Variants in KCNMB2 observed in about 807,000 individuals in gnomAD.
KCNMB2 encodes calcium-activated potassium channel subunit beta-2.
A neutral mutation model predicts 24.5 loss-of-function variants in KCNMB2; 9 were observed. The ratio of observed to expected loss-of-function variants is 0.37; its 90% CI spans 0.22 to 0.64. The LOEUF is 0.64. Among genes scored for constraint, KCNMB2 ranks in the 30% least tolerant of loss-of-function variants. KCNMB2 has a pLI of 0.63. For synonymous variants in KCNMB2, 109 were observed against 104.4 expected (o/e 1.04, Z -0.27); for missense variants, 226 against 284.3 (o/e 0.79, Z 1.47).
chr3:178,677,976 G>A (rs1196256757), intron 1 of KCNMB2, among the ~76,000 whole-genome samples: 4 of 152,178 alleles, frequency 2.6e-5, no homozygotes, highest in Non-Finnish European at 5.9e-5. Flanking sequence ...TAATTAGCCT[G>A]TATAGGTCAA....
At chr3:178,733,332 T>A (rs1043907019) in intron 1 of KCNMB2, among the ~76,000 whole-genome samples, 3 of 152,056 alleles carry the variant, frequency 2.0e-5, no homozygotes, top group African/African-American at 7.2e-5. Context: ...CTGGGGCAGA[T>A]GAGATCAGAG....
intron 1 of KCNMB2, among the ~76,000 whole-genome samples, chr3:178,544,141 G>T (rs1421939811): frequency 6.6e-6 from 1 of 152,096 alleles, no homozygotes; most frequent in African/African-American, 2.4e-5. Context: ...TGTCCAGTTT[G>T]ACCTAAAAAG....
intron 1 of KCNMB2, among the ~76,000 whole-genome samples, chr3:178,794,579 C>A (rs926026688): frequency 6.6e-6 from 1 of 152,152 alleles, no homozygotes; most frequent in African/African-American, 2.4e-5. Context: ...TAATACCATT[C>A]CACAGGTATA....
intron 1 of KCNMB2, among the ~76,000 whole-genome samples, chr3:178,738,797 G>A (rs544682216): frequency 6.6e-6 from 1 of 152,208 alleles, no homozygotes; most frequent in East Asian, 1.9e-4. Context: ...AACCCCTGAG[G>A]GCGGAAACTT....
chr3:178,721,810 C>T (rs929615051), intron 1 of KCNMB2, among the ~76,000 whole-genome samples: 1 of 152,184 alleles, frequency 6.6e-6, no homozygotes, highest in Non-Finnish European at 1.5e-5. Context: ...GGCTTGAACT[C>T]ACACTTCCCA....
chr3:178,549,823 T>G (rs1328640445), intron 1 of KCNMB2, among the ~76,000 whole-genome samples: 3 of 152,222 alleles, frequency 2.0e-5, no homozygotes, highest in Admixed American at 6.5e-5. Flanking sequence ...TTACTTTACC[T>G]AGAGTTTATC....
intron 1 of KCNMB2, among the ~76,000 whole-genome samples, chr3:178,566,843 C>T (rs541577525): frequency 1.1e-4 from 16 of 152,240 alleles, no homozygotes; most frequent in South Asian, 2.1e-4. Context: ...TAACAATGTA[C>T]GTTCATATTG....
chr3:178,779,493 A>C (rs973904423), intron 1 of KCNMB2, among the ~76,000 whole-genome samples: 15 of 152,224 alleles, frequency 9.9e-5, no homozygotes, highest in African/African-American at 3.6e-4. Flanking sequence ...TTAGAATTTG[A>C]AAAAGTTCAA....
intron 1 of KCNMB2, among the ~76,000 whole-genome samples, chr3:178,672,280 G>A (rs1720926155): frequency 1.3e-5 from 2 of 152,158 alleles, no homozygotes; most frequent in Admixed American, 1.3e-4. Flanking sequence ...AGGGGTGCAG[G>A]AGGTAGTAGG....
intron 4 of KCNMB2, among the ~76,000 whole-genome samples, chr3:178,828,799 C>T (rs1714939381): frequency 6.6e-6 from 1 of 152,102 alleles, no homozygotes; most frequent in African/African-American, 2.4e-5. Flanking sequence ...GATATAACAA[C>T]CTTTCTGATC....
chr3:178,609,139 C>T (rs1460686419), intron 1 of KCNMB2, among the ~76,000 whole-genome samples: 1 of 152,202 alleles, frequency 6.6e-6, no homozygotes, highest in African/African-American at 2.4e-5. Flanking sequence ...TTCTCCACAT[C>T]CTCGCCAGCA....
intron 1 of KCNMB2, chr3:178,757,025 AT>A (rs998750404): frequency 1.3e-4 from 20 of 151,360 alleles, no homozygotes; most frequent in Admixed American, 1.2e-3. Flanking sequence ...ATTCTTGGAA[AT>A]ATATATATAT....
At chr3:178,726,585 A>G (rs1398046902) in intron 1 of KCNMB2, among the ~76,000 whole-genome samples, 1 of 151,396 alleles carries the variant, frequency 6.6e-6, no homozygotes, top group African/African-American at 2.4e-5. Flanking sequence ...TTTTTCAAAT[A>G]TTTCTTTAGA....
intron 1 of KCNMB2, among the ~76,000 whole-genome samples, chr3:178,681,368 A>G (rs1448617496): frequency 2.0e-5 from 3 of 152,212 alleles, no homozygotes; most frequent in Non-Finnish European, 4.4e-5. Context: ...GCTTTTGGGA[A>G]TGAGTTAGAA....
At chr3:178,758,182 C>A (rs1315474631) in intron 1 of KCNMB2, among the ~76,000 whole-genome samples, 7 of 23,586 alleles carry the variant, frequency 3.0e-4, no homozygotes, top group Admixed American at 4.2e-4. Flanking sequence ...ATATATATAT[C>A]CAAGGGGATA....
intron 1 of KCNMB2, among the ~76,000 whole-genome samples, chr3:178,622,441 T>C (rs1225499009): frequency 6.6e-6 from 1 of 152,210 alleles, no homozygotes; most frequent in Non-Finnish European, 1.5e-5. Context: ...GGAACTATTA[T>C]CCATATTTTA....
intron 1 of KCNMB2, among the ~76,000 whole-genome samples, chr3:178,688,456 T>C (rs923200339): frequency 1.3e-5 from 2 of 152,156 alleles, no homozygotes; most frequent in Non-Finnish European, 1.5e-5. Flanking sequence ...ATGATGAATT[T>C]ATAATGGGAA....
At chr3:178,730,156 T>TA (rs1193585485) in intron 1 of KCNMB2, among the ~76,000 whole-genome samples, 1 of 152,184 alleles carries the variant, frequency 6.6e-6, no homozygotes, top group East Asian at 1.9e-4. Flanking sequence ...TCCAAGAAGT[T>TA]AGAGATTCAA....
In KCNMB2 at chr3:178,829,815, A is replaced by G. The variant is rs183527239; in HGVS notation, c.423+1442A>G. ...GAAGCTACCAATAAATGTCCCAGAT[A>G]TGTATTCAGGACTGGTACCTTATTT... On this transcript the variant is annotated intron_variant, in intron 4 of 4. Transcript: ENST00000452583. 2.2e-3 allele frequency among the ~76,000 whole-genome samples: 332 copies of G among 152,316 alleles called. 4 individuals carry two copies. The highest frequency in any genetic ancestry group is 7.6e-3 in the African/African-American group (318 of 41,576).
Sources: gnomAD v4.1 joint callset for allele counts (sites outside exome capture counted in the v4.1 genomes callset) on GRCh38, gnomAD v4.1.1 for gene constraint, MANE v1.5 for transcripts, NCBI Gene and HGNC (gene_info 2026-07-23, HGNC 2026-07-21) for gene names.